Variants in FMN2 observed in about 807,000 individuals in gnomAD.
FMN2 encodes the protein formin 2.
A neutral mutation model predicts 142.3 loss-of-function variants in FMN2; 51 were observed. That is an observed-to-expected ratio of 0.36 (90% CI 0.29 to 0.45). FMN2 has a LOEUF of 0.45. Ranked by LOEUF, FMN2 falls within the 20% of genes least tolerant of loss-of-function variation. FMN2 has a pLI of 1.00. For synonymous variants in FMN2, 882 were observed against 869.8 expected, an observed-to-expected ratio of 1.01 and a Z score of -0.25; for missense variants, 1,936 against 2,122.8, an observed-to-expected ratio of 0.91 and a Z score of 1.73.
At chr1:240,194,518 C>G (rs1665840262) in intron 4 of FMN2, among the ~76,000 whole-genome samples, 1 of 152,148 alleles carries the variant, frequency 6.6e-6, no homozygotes, top group African/African-American at 2.4e-5. Flanking sequence ...AGTGGAGGCT[C>G]AGGAGACTCA....
At chr1:240,382,543 C>T (rs1187862795) in intron 14 of FMN2, among the ~76,000 whole-genome samples, 9 of 152,034 alleles carry the variant, frequency 5.9e-5, no homozygotes. Context: ...TGCCTGTAAT[C>T]TAAGCTACTC....
chr1:240,301,764 A>AT (rs530784636), intron 8 of FMN2, among the ~76,000 whole-genome samples: 2 of 151,334 alleles, frequency 1.3e-5, no homozygotes, highest in Admixed American at 1.3e-4. Flanking sequence ...ATAAATTGTC[A>AT]TTTTTTTCCC....
intron 4 of FMN2, among the ~76,000 whole-genome samples, chr1:240,188,574 G>A (rs1437569515): frequency 6.6e-6 from 1 of 152,182 alleles, no homozygotes; most frequent in Non-Finnish European, 1.5e-5. Context: ...GGAGAAGTCT[G>A]CGAGATGTGC....
intron 4 of FMN2, among the ~76,000 whole-genome samples, chr1:240,191,081 G>T (rs1483468079): frequency 2.6e-5 from 4 of 152,148 alleles, no homozygotes; most frequent in African/African-American, 9.7e-5. Flanking sequence ...CGTTGCCTGC[G>T]TTCTTCTGTG....
intron 4 of FMN2, among the ~76,000 whole-genome samples, chr1:240,198,899 G>C (rs1666026947): frequency 6.6e-6 from 1 of 152,102 alleles, no homozygotes; most frequent in African/African-American, 2.4e-5. Flanking sequence ...GATGTCAGGA[G>C]TTTGAGACCA....
At chr1:240,449,283 A>G (rs2103204470) in intron 16 of FMN2, among the ~76,000 whole-genome samples, 1 of 152,074 alleles carries the variant, frequency 6.6e-6, no homozygotes, top group South Asian at 2.1e-4. Flanking sequence ...CCTGGTACCC[A>G]CTTTCCCTGC....
At chr1:240,357,194 A>G (rs1323119785) in intron 14 of FMN2, among the ~76,000 whole-genome samples, 2 of 152,206 alleles carry the variant, frequency 1.3e-5, no homozygotes, top group African/African-American at 4.8e-5. Flanking sequence ...TTTTTGTCTT[A>G]TAAGAAGAAA....
chr1:240,271,726 T>C (rs778744109), intron 7 of FMN2, among the ~76,000 whole-genome samples: 12 of 152,246 alleles, frequency 7.9e-5, no homozygotes, highest in South Asian at 2.1e-4. Context: ...ACATGTGAGA[T>C]ACTAGGCTTT....
chr1:240,211,628 A>G (rs1046052112), intron 6 of FMN2, among the ~76,000 whole-genome samples: 2 of 152,186 alleles, frequency 1.3e-5, no homozygotes, highest in African/African-American at 4.8e-5. Context: ...TTAGTAACTG[A>G]TAATGTGTTT....
At chr1:240,450,515 C>T (rs949195455) in intron 16 of FMN2, among the ~76,000 whole-genome samples, 17 of 152,168 alleles carry the variant, frequency 1.1e-4, no homozygotes, top group African/African-American at 3.9e-4. Flanking sequence ...ACTAAACATT[C>T]CCTAACTAAT....
intron 2 of FMN2, chr1:240,142,801 A>G (rs1230099453): frequency 1.9e-6 from 3 of 1,586,966 alleles, no homozygotes; most frequent in Non-Finnish European, 2.6e-6. Context: ...TGTGTCTGGA[A>G]CCCTGTGATG....
chr1:240,376,944 A>T (rs193011187), intron 14 of FMN2, among the ~76,000 whole-genome samples: 1 of 152,306 alleles, frequency 6.6e-6, no homozygotes, highest in Admixed American at 6.5e-5. Context: ...ACTCTACAAC[A>T]GTATACTGTC....
At chr1:240,179,793 G>A (rs1665076677) in intron 3 of FMN2, 1 of 155,140 alleles carries the variant, frequency 6.4e-6, no homozygotes, top group Non-Finnish European at 1.4e-5. Flanking sequence ...GAATTAATCA[G>A]TTGCATGGAG....
intron 15 of FMN2, 91 bp from the exon 16 acceptor site, chr1:240,437,970 T>G (rs1212207694): frequency 1.4e-6 from 2 of 1,454,774 alleles, no homozygotes; most frequent in South Asian, 2.7e-5. Context: ...TAATTGTGCA[T>G]GAATAAAATC....
chr1:240,390,939 C>A (rs1037680111), intron 14 of FMN2, among the ~76,000 whole-genome samples: 8 of 152,290 alleles, frequency 5.3e-5, no homozygotes, highest in African/African-American at 1.9e-4. Context: ...GAAAAAATAA[C>A]CTTCCTGAAA....
At chr1:240,288,305 G>C (rs1456649) in intron 7 of FMN2, among the ~76,000 whole-genome samples, 435 of 152,244 alleles carry the variant, frequency 2.9e-3, no homozygotes, top group African/African-American at 9.8e-3. Flanking sequence ...AAATGATGAG[G>C]TTTAGCTGAT....
chr1:240,362,710 A>G (rs774476297), intron 14 of FMN2, among the ~76,000 whole-genome samples: 1 of 152,162 alleles, frequency 6.6e-6, no homozygotes, highest in African/African-American at 2.4e-5. Context: ...TCCCTTAGTC[A>G]TATGGTACAT....
intron 15 of FMN2, among the ~76,000 whole-genome samples, chr1:240,425,606 T>C (rs1219086115): frequency 6.6e-6 from 1 of 152,196 alleles, no homozygotes; most frequent in Non-Finnish European, 1.5e-5. Flanking sequence ...ACAGTGCTTA[T>C]CATTTTCTGA....
chr1:240,247,497 C>T (rs376954022), intron 6 of FMN2, among the ~76,000 whole-genome samples: 6 of 132,362 alleles, frequency 4.5e-5, no homozygotes, highest in African/African-American at 1.8e-4. Flanking sequence ...AGCAAAACTC[C>T]ATTTCAAAAA....
Sources: gnomAD v4.1 joint callset for allele counts (sites outside exome capture counted in the v4.1 genomes callset) on GRCh38, gnomAD v4.1.1 for gene constraint, MANE v1.5 for transcripts, NCBI Gene and HGNC (gene_info 2026-07-23, HGNC 2026-07-21) for gene names.